Variants in AFAP1 observed in about 807,000 individuals in gnomAD.
AFAP1 encodes actin filament-associated protein 1.
AFAP1 carries 75 observed loss-of-function variants against 93.9 expected under a neutral mutation model. The observed-to-expected ratio is 0.80, with a 90% CI of 0.66 to 0.97. The LOEUF is 0.97. Among genes scored for constraint, AFAP1 ranks in the 50% least tolerant of loss-of-function variants. The pLI is 0.00. For missense variants in AFAP1, 1,201 were observed against 1,050.8 expected (o/e 1.14, Z -1.98); for synonymous variants, 517 against 430.7 (o/e 1.20, Z -2.48).
At chr4:7,813,647 CT>C (rs2149059598) in intron 8 of AFAP1, among the ~76,000 whole-genome samples, 1 of 152,276 alleles carries the variant, frequency 6.6e-6, no homozygotes, top group South Asian at 2.1e-4. Context: ...GATAGCTTTC[CT>C]GGTTTTGATT....
At chr4:7,874,354 T>G (rs1197987138) in intron 1 of AFAP1, among the ~76,000 whole-genome samples, 6 of 121,278 alleles carry the variant, frequency 4.9e-5, no homozygotes, top group Admixed American at 8.9e-5. Context: ...GATTGCCTTT[T>G]TCTTTTTTTT....
chr4:7,853,757 C>A (rs545458672), intron 4 of AFAP1, among the ~76,000 whole-genome samples: 4 of 152,348 alleles, frequency 2.6e-5, no homozygotes, highest in African/African-American at 9.6e-5. Flanking sequence ...CTTAACTGAG[C>A]TGACAAGTCA....
At chr4:7,764,223 G>A (rs1404067959) in intron 17 of AFAP1, among the ~76,000 whole-genome samples, 2 of 152,234 alleles carry the variant, frequency 1.3e-5, no homozygotes, top group Non-Finnish European at 2.9e-5. Context: ...TCACTTATGT[G>A]AGGGACCTGG....
chr4:7,804,696 T>C (rs549890532), intron 9 of AFAP1, among the ~76,000 whole-genome samples: 3 of 152,134 alleles, frequency 2.0e-5, no homozygotes, highest in Non-Finnish European at 2.9e-5. Flanking sequence ...TTATTCTCTT[T>C]AGGAAGGGAA....
At chr4:7,780,876 T>C (rs1469279689) in intron 13 of AFAP1, among the ~76,000 whole-genome samples, 1 of 152,170 alleles carries the variant, frequency 6.6e-6, no homozygotes, top group Non-Finnish European at 1.5e-5. Flanking sequence ...AAAAAGTCCT[T>C]ATTATCATCA....
At chr4:7,833,465 G>A (rs901447798) in intron 6 of AFAP1, among the ~76,000 whole-genome samples, 4 of 152,076 alleles carry the variant, frequency 2.6e-5, no homozygotes, top group African/African-American at 9.7e-5. Context: ...CCTTACTCCT[G>A]CAAGAACGAC....
chr4:7,913,976 T>C (rs944710352), intron 1 of AFAP1, among the ~76,000 whole-genome samples: 2 of 152,210 alleles, frequency 1.3e-5, no homozygotes, highest in Non-Finnish European at 2.9e-5. Context: ...GTAATTAGCA[T>C]ATCCACCATC....
intron 10 of AFAP1, among the ~76,000 whole-genome samples, chr4:7,796,843 TG>T (rs1175194205): frequency 6.6e-6 from 1 of 151,464 alleles, no homozygotes; most frequent in Non-Finnish European, 1.5e-5. Context: ...GCAGTTCACT[TG>T]AAGTCAGGAG....
chr4:7,896,195 A>G (rs1047509965), intron 1 of AFAP1, among the ~76,000 whole-genome samples: 6 of 152,136 alleles, frequency 3.9e-5, no homozygotes, highest in African/African-American at 1.4e-4. Context: ...TCCAATTTCT[A>G]TGGAGCAAAT....
intron 14 of AFAP1, chr4:7,777,536 G>A (rs1437447479): frequency 2.0e-5 from 3 of 152,176 alleles, no homozygotes; most frequent in South Asian, 2.1e-4. Context: ...AATGAATGTC[G>A]GCACGTGTCG....
intron 1 of AFAP1, among the ~76,000 whole-genome samples, chr4:7,901,968 A>G (rs888049615): frequency 1.3e-5 from 2 of 152,212 alleles, no homozygotes; most frequent in Admixed American, 1.3e-4. Flanking sequence ...CAACACACAC[A>G]ACTACCATTA....
chr4:7,921,450 G>A (rs997807361), intron 1 of AFAP1, among the ~76,000 whole-genome samples: 1 of 150,770 alleles, frequency 6.6e-6, no homozygotes, highest in East Asian at 2.0e-4. Flanking sequence ...CTCTCAAAGC[G>A]CTAGGATTAC....
At chr4:7,886,685 G>A (rs28734123) in intron 1 of AFAP1, among the ~76,000 whole-genome samples, 65,062 of 151,958 alleles carry the variant, frequency 0.43, 16,572 homozygotes, top group Non-Finnish European at 0.6. Flanking sequence ...CTATTGTTCT[G>A]TAGAAGGCAA....
At chr4:7,798,890 T>C (rs943275216) in intron 10 of AFAP1, 60 of 989,262 alleles carry the variant, frequency 6.1e-5, no homozygotes, top group Non-Finnish European at 7.2e-5. Context: ...TCTTCATTCC[T>C]GTATCTTACC....
intron 1 of AFAP1, among the ~76,000 whole-genome samples, chr4:7,878,613 T>C (rs1301857789): frequency 1.3e-5 from 2 of 152,234 alleles, no homozygotes; most frequent in Non-Finnish European, 2.9e-5. Context: ...CTGAAGCTCC[T>C]TACCGATGTT....
In AFAP1 at chr4:7,826,630, C is replaced by G. The variant is rs1721445962; in HGVS notation, c.727-7459G>C. Among the ~76,000 whole-genome samples, 3 of 152,392 alleles carry G rather than the reference C, an allele frequency of 2.0e-5. No individual in the cohort carries two copies. The South Asian group carries it at 6.2e-4, about 32-fold the overall frequency. ...AGATCTTCAGATTTTCACCACGGGT[C>G]TTGGGTCCTGGGCCATGCCATGCCA... On this transcript the variant is annotated intron_variant, in intron 6 of 17. Transcript: ENST00000420658.
intron 6 of AFAP1, among the ~76,000 whole-genome samples, chr4:7,831,735 G>A (rs1264969463): frequency 2.0e-5 from 3 of 152,164 alleles, no homozygotes; most frequent in South Asian, 2.1e-4. Flanking sequence ...ATTTCAGAGC[G>A]GCCTTTTTTG....
intron 12 of AFAP1, among the ~76,000 whole-genome samples, chr4:7,782,114 G>A (rs766082082): frequency 1.2e-4 from 19 of 152,178 alleles, no homozygotes; most frequent in Admixed American, 2.0e-4. Flanking sequence ...CAGAGCACCC[G>A]ATGCTTTACA....
chr4:7,873,498 G>A (rs192495410), intron 1 of AFAP1, among the ~76,000 whole-genome samples: 2,187 of 150,438 alleles, frequency 0.015, 52 homozygotes, highest in African/African-American at 0.05. Context: ...ACAGGCGCCC[G>A]CCACCACGCC....
Sources: gnomAD v4.1 joint callset for allele counts (sites outside exome capture counted in the v4.1 genomes callset) on GRCh38, gnomAD v4.1.1 for gene constraint, MANE v1.5 for transcripts, NCBI Gene and HGNC (gene_info 2026-07-23, HGNC 2026-07-21) for gene names.